Variants in FAM135B observed in about 807,000 individuals in gnomAD.
FAM135B encodes protein FAM135B.
Under a neutral mutation model 127.7 loss-of-function variants are expected in FAM135B, and 43 were observed. That is an observed-to-expected ratio of 0.34 (90% confidence interval 0.26 to 0.43). The LOEUF (loss-of-function observed/expected upper bound fraction) is 0.43, where lower values mean the gene tolerates loss of function less well. FAM135B is among the 20% of genes least tolerant of loss of function. The pLI is 1.00. For synonymous variants in FAM135B, 670 were observed against 665.1 expected (o/e 1.01, Z -0.11); for missense variants, 1,558 against 1,725.6 (o/e 0.90, Z 1.72).
rs869311243 is a variant in FAM135B, at chr8:138,344,573, C to CTTTAT, written c.77+23333_77+23334insATAAA. ...AGGAGTCTCTTGCTACACTTTCTTTCTTTCTTTTTTTTTTTTTTTTGTTAA... is the reference window on the plus strand; with the variant it reads ...AGGAGTCTCTTGCTACACTTTCTTTCTTTATTTTCTTTTTTTTTTTTTTTTGTTAA... On this transcript the variant is annotated intron_variant, in intron 2 of 19. Coordinates refer to ENST00000395297, the MANE Select transcript of FAM135B (RefSeq NM_015912.4). 1.8e-3 allele frequency among the ~76,000 whole-genome samples: 208 copies of CTTTAT among 113,604 alleles called. 1 individual carries two copies. The highest frequency in any genetic ancestry group is 3.0e-3 in the Non-Finnish European group (172 of 56,954). The allele number at this position is 113,604 out of a possible 152,430, so 74.5% of individuals were successfully genotyped here. A position where few individuals can be genotyped will look rare whatever the true frequency, so the allele number is the denominator to read the frequency against.
intron 1 of FAM135B, among the ~76,000 whole-genome samples, chr8:138,478,437 A>G (rs1814619911): frequency 6.6e-6 from 1 of 152,148 alleles, no homozygotes; most frequent in Non-Finnish European, 1.5e-5. Context: ...ATAGTCCCTC[A>G]TTCCCCTGAA....
At chr8:138,206,290 G>T (rs796098587) in intron 7 of FAM135B, among the ~76,000 whole-genome samples, 1 of 25,416 alleles carries the variant, frequency 3.9e-5, no homozygotes, top group Non-Finnish European at 8.5e-5. Context: ...CCTACGCACA[G>T]CTCTATCATC....
rs188944386 is a variant in FAM135B, at chr8:138,250,255, A to C, written c.542+586T>G. ...GTAATCCCAGCCACTCGGGAGGCTGAGGTAGGAGAATTGCTTAAACCCAGG... is the reference window on the plus strand; with the variant it reads ...GTAATCCCAGCCACTCGGGAGGCTGCGGTAGGAGAATTGCTTAAACCCAGG... On this transcript the variant is annotated intron_variant, in intron 6 of 19. Coordinates refer to ENST00000395297, the MANE Select transcript of FAM135B (RefSeq NM_015912.4). Among the ~76,000 whole-genome samples the C allele has an allele frequency of 4.6e-3, 700 of 152,254 alleles. 7 individuals carry two copies. Among genetic ancestry groups the C allele is most frequent in the African/African-American group, 0.016 (667 of 41,528 alleles).
At chr8:138,276,434 A>G (rs1046549139) in intron 3 of FAM135B, among the ~76,000 whole-genome samples, 6 of 152,148 alleles carry the variant, frequency 3.9e-5, no homozygotes, top group African/African-American at 7.2e-5. Context: ...AGTTGCGACT[A>G]CAAAAAATAG....
intron 1 of FAM135B, among the ~76,000 whole-genome samples, chr8:138,435,712 T>A (rs183281318): frequency 2.6e-5 from 4 of 152,278 alleles, no homozygotes; most frequent in Admixed American, 2.6e-4. Context: ...AAAAAACACA[T>A]ACAAATGAAT....
intron 2 of FAM135B, among the ~76,000 whole-genome samples, chr8:138,328,757 C>T (rs1190183086): frequency 6.6e-6 from 1 of 152,178 alleles, no homozygotes; most frequent in Non-Finnish European, 1.5e-5. Flanking sequence ...AGGAAAGTTA[C>T]TTAACTTCTG....
intron 1 of FAM135B, among the ~76,000 whole-genome samples, chr8:138,435,287 A>G (rs962482046): frequency 6.6e-6 from 1 of 151,788 alleles, no homozygotes; most frequent in African/African-American, 2.4e-5. Context: ...ACAGAGTAAG[A>G]CTCCATCTCA....
chr8:138,343,870 C>G (rs1214535214), intron 2 of FAM135B, among the ~76,000 whole-genome samples: 2 of 152,224 alleles, frequency 1.3e-5, no homozygotes, highest in African/African-American at 2.4e-5. Flanking sequence ...TTCCTCTTAT[C>G]TGAAACACCA....
intron 9 of FAM135B, among the ~76,000 whole-genome samples, chr8:138,184,764 G>C (rs1294028957): frequency 6.6e-6 from 1 of 152,108 alleles, no homozygotes; most frequent in Non-Finnish European, 1.5e-5. Context: ...CCCCAGTGAA[G>C]GTTTAGAGTT....
intron 1 of FAM135B, among the ~76,000 whole-genome samples, chr8:138,412,654 A>G (rs1343453922): frequency 6.6e-6 from 1 of 152,180 alleles, no homozygotes; most frequent in Non-Finnish European, 1.5e-5. Context: ...TTTTGCAGAT[A>G]AGTTAACTTG....
At chr8:138,163,664 T>C (rs981314858) in intron 12 of FAM135B, among the ~76,000 whole-genome samples, 1 of 152,134 alleles carries the variant, frequency 6.6e-6, no homozygotes, top group Non-Finnish European at 1.5e-5. Context: ...GTGTGATGCC[T>C]CCCTAGCCAC....
chr8:138,421,238 G>C (rs1248450480), intron 1 of FAM135B, among the ~76,000 whole-genome samples: 2 of 152,142 alleles, frequency 1.3e-5, no homozygotes, highest in East Asian at 1.9e-4. Flanking sequence ...GCATGAACTG[G>C]GGAGGCAGAG....
At chr8:138,184,819 A>T (rs1815404288) in intron 9 of FAM135B, among the ~76,000 whole-genome samples, 1 of 152,206 alleles carries the variant, frequency 6.6e-6, no homozygotes. Context: ...TCCCAGCTGC[A>T]CCATCATCTC....
intron 3 of FAM135B, among the ~76,000 whole-genome samples, chr8:138,282,676 A>T (rs1191141481): frequency 6.6e-6 from 1 of 152,166 alleles, no homozygotes; most frequent in East Asian, 1.9e-4. Context: ...CTCTGATAAT[A>T]CCAAATGCTA....
chr8:138,287,551 G>C (rs1201989752), intron 3 of FAM135B, among the ~76,000 whole-genome samples: 1 of 151,322 alleles, frequency 6.6e-6, no homozygotes, highest in Non-Finnish European at 1.5e-5. Flanking sequence ...TTCACAAAGA[G>C]GCATGGACAG....
intron 7 of FAM135B, among the ~76,000 whole-genome samples, chr8:138,216,220 T>C (rs1466338690): frequency 6.6e-6 from 1 of 152,070 alleles, no homozygotes; most frequent in Admixed American, 6.5e-5. Flanking sequence ...ATAACTACAA[T>C]AACAATTTTT....
intron 1 of FAM135B, among the ~76,000 whole-genome samples, chr8:138,419,273 T>C (rs1247779448): frequency 4.6e-5 from 7 of 152,184 alleles, no homozygotes; most frequent in Non-Finnish European, 7.4e-5. Context: ...TGGTGTTACA[T>C]AATGATAAAG....
At chr8:138,201,627 G>A (rs1023136797) in intron 7 of FAM135B, among the ~76,000 whole-genome samples, 1 of 152,146 alleles carries the variant, frequency 6.6e-6, no homozygotes, top group Non-Finnish European at 1.5e-5. Flanking sequence ...CATTAGAATT[G>A]CATGAAGAGC....
intron 2 of FAM135B, among the ~76,000 whole-genome samples, chr8:138,335,732 A>G (rs1349870256): frequency 1.3e-5 from 2 of 152,190 alleles, no homozygotes; most frequent in Non-Finnish European, 2.9e-5. Flanking sequence ...CCAGGAATTG[A>G]GCTCAGCTCT....
Sources: allele counts gnomAD v4.1 joint callset (sites outside exome capture counted in the v4.1 genomes callset), GRCh38; gene constraint gnomAD v4.1.1; transcripts MANE v1.5; gene names NCBI Gene and HGNC (gene_info 2026-07-23, HGNC 2026-07-21).